LOC128125817: variants seen among roughly 807,000 people sequenced by gnomAD.
At chr1:41,610,895 T>G in the LOC128125817 span, among the ~76,000 whole-genome samples, 4 of 152,218 alleles carry the variant, frequency 2.6e-5, no homozygotes, top group Non-Finnish European at 5.9e-5. Flanking sequence ...AAACTTGCCC[T>G]GAGACCCCCC....
At chr1:41,623,392 A>G in the LOC128125817 span, among the ~76,000 whole-genome samples, 2 of 152,258 alleles carry the variant, frequency 1.3e-5, no homozygotes, top group Non-Finnish European at 2.9e-5. Flanking sequence ...TAAGCTTAGC[A>G]CACACTTGCT....
the LOC128125817 span, among the ~76,000 whole-genome samples, chr1:41,617,449 G>A: frequency 6.6e-6 from 1 of 152,208 alleles, no homozygotes; most frequent in South Asian, 2.1e-4. Context: ...AACCCCTGGG[G>A]TGGTTGAGGA....
At chr1:41,620,225 C>T in the LOC128125817 span, among the ~76,000 whole-genome samples, 1 of 152,194 alleles carries the variant, frequency 6.6e-6, no homozygotes, top group Non-Finnish European at 1.5e-5. Flanking sequence ...AGTTTCCACT[C>T]GCTTTCCCAC....
chr1:41,621,596 C>G, the LOC128125817 span, among the ~76,000 whole-genome samples: 1 of 152,234 alleles, frequency 6.6e-6, no homozygotes, highest in Non-Finnish European at 1.5e-5. Flanking sequence ...CTCACTGCAG[C>G]CTCCGTCTCC....
chr1:41,604,602 G>A, the LOC128125817 span, among the ~76,000 whole-genome samples: 1 of 152,164 alleles, frequency 6.6e-6, no homozygotes, highest in Non-Finnish European at 1.5e-5. Context: ...CTCTCACCAT[G>A]TAAGAATGCA....
chr1:41,598,782 C>T, the LOC128125817 span, among the ~76,000 whole-genome samples: 3 of 148,862 alleles, frequency 2.0e-5, no homozygotes, highest in Admixed American at 2.0e-4. Context: ...AGGAAACATA[C>T]TCCCACACAT....
At chr1:41,614,500 C>T in the LOC128125817 span, among the ~76,000 whole-genome samples, 3 of 152,378 alleles carry the variant, frequency 2.0e-5, no homozygotes, top group Admixed American at 1.3e-4. Flanking sequence ...GAAGTCCCAA[C>T]AGGCTGAGCA....
At chr1:41,619,009 GCC>G in the LOC128125817 span, among the ~76,000 whole-genome samples, 1 of 152,188 alleles carries the variant, frequency 6.6e-6, no homozygotes, top group African/African-American at 2.4e-5. Flanking sequence ...TCGGGCTGCT[GCC>G]CCCGCCCCCT....
At chr1:41,588,280 T>C in the LOC128125817 span, among the ~76,000 whole-genome samples, 2 of 152,186 alleles carry the variant, frequency 1.3e-5, no homozygotes, top group African/African-American at 4.8e-5. Context: ...GATCCTTTCA[T>C]GCAAGGATCT....
chr1:41,600,281 G>T, the LOC128125817 span, among the ~76,000 whole-genome samples: 1 of 152,162 alleles, frequency 6.6e-6, no homozygotes, highest in Non-Finnish European at 1.5e-5. Context: ...GTTCATAGCG[G>T]CATGATTTAC....
chr1:41,620,624 G>A, the LOC128125817 span, among the ~76,000 whole-genome samples: 1 of 152,108 alleles, frequency 6.6e-6, no homozygotes, highest in Admixed American at 6.6e-5. Context: ...GCCCCACCCA[G>A]CACGCCCCAA....
At chr1:41,600,717 A>G in the LOC128125817 span, among the ~76,000 whole-genome samples, 1 of 152,220 alleles carries the variant, frequency 6.6e-6, no homozygotes, top group Admixed American at 6.5e-5. Context: ...TTAAAATAGC[A>G]AAAGATTTTA....
At chr1:41,588,999 G>A in the LOC128125817 span, among the ~76,000 whole-genome samples, 1 of 152,196 alleles carries the variant, frequency 6.6e-6, no homozygotes. Flanking sequence ...TCCAAATGTG[G>A]TGCGGCATAA....
the LOC128125817 span, among the ~76,000 whole-genome samples, chr1:41,614,164 C>T: frequency 6.6e-6 from 1 of 152,226 alleles, no homozygotes; most frequent in South Asian, 2.1e-4. Context: ...AGTCTGAGGT[C>T]AGCAGCAGAA....
chr1:41,608,082 A>G, the LOC128125817 span, among the ~76,000 whole-genome samples: 4 of 152,206 alleles, frequency 2.6e-5, no homozygotes, highest in African/African-American at 9.7e-5. Flanking sequence ...TCACTACAGA[A>G]GAAGAGAAAA....
At chr1:41,602,718 T>C in the LOC128125817 span, among the ~76,000 whole-genome samples, 1 of 152,082 alleles carries the variant, frequency 6.6e-6, no homozygotes, top group African/African-American at 2.4e-5. Flanking sequence ...ATTGTTTTTG[T>C]ATTGTTTATT....
the LOC128125817 span, among the ~76,000 whole-genome samples, chr1:41,591,872 A>G: frequency 6.6e-6 from 1 of 151,992 alleles, no homozygotes; most frequent in Admixed American, 6.6e-5. Context: ...ACTCCCAGAG[A>G]AGAGGCATGA....
the LOC128125817 span, among the ~76,000 whole-genome samples, chr1:41,618,528 A>G: frequency 2.0e-5 from 3 of 152,094 alleles, no homozygotes; most frequent in East Asian, 5.8e-4. Flanking sequence ...TCTGCCTGCC[A>G]TCCTCGGGCA....
At chr1:41,605,288 G>T in the LOC128125817 span, among the ~76,000 whole-genome samples, 1 of 151,592 alleles carries the variant, frequency 6.6e-6, no homozygotes, top group Admixed American at 6.6e-5. Context: ...TATTTACTCC[G>T]AAGGGGCATG....
Sources: gnomAD v4.1 joint callset for allele counts (sites outside exome capture counted in the v4.1 genomes callset) on GRCh38, gnomAD v4.1.1 for gene constraint, MANE v1.5 for transcripts.